The following AUTS2 variants were observed in gnomAD, a reference collection of about 807,000 sequenced individuals.
The protein encoded by AUTS2 is autism susceptibility gene 2 protein.
A neutral mutation model predicts 112.4 loss-of-function variants in AUTS2; 17 were observed. That is an observed-to-expected ratio of 0.15 (90% CI 0.10 to 0.23). AUTS2 has a LOEUF of 0.23. AUTS2 is among the 10% of genes least tolerant of loss of function. The pLI, the probability that AUTS2 is intolerant of heterozygous loss-of-function variation, is 1.00. For synonymous variants in AUTS2, 751 were observed against 702.7 expected, an observed-to-expected ratio of 1.07 and a Z score of -1.09; for missense variants, 1,510 against 1,701.6, an observed-to-expected ratio of 0.89 and a Z score of 1.98.
intron 2 of AUTS2, among the ~76,000 whole-genome samples, chr7:69,908,930 C>T (rs1011841200): frequency 3.9e-5 from 6 of 152,100 alleles, no homozygotes; most frequent in African/African-American, 1.4e-4. Flanking sequence ...AATGCAGATT[C>T]CCAGGTAATC....
At chr7:70,438,299 A>G (rs1056226209) in intron 5 of AUTS2, among the ~76,000 whole-genome samples, 10 of 152,204 alleles carry the variant, frequency 6.6e-5, no homozygotes, top group Admixed American at 6.5e-4. Flanking sequence ...TTTCAGGGTA[A>G]TAAAGCGGAT....
At chr7:69,635,707 G>A (rs1794487719) in intron 1 of AUTS2, among the ~76,000 whole-genome samples, 2 of 152,192 alleles carry the variant, frequency 1.3e-5, no homozygotes, top group Non-Finnish European at 2.9e-5. Flanking sequence ...GAAAGGAGGA[G>A]GAGACCTTAA....
intron 5 of AUTS2, among the ~76,000 whole-genome samples, chr7:70,505,592 G>A (rs147514118): frequency 3.3e-5 from 5 of 152,226 alleles, no homozygotes; most frequent in South Asian, 4.2e-4. Flanking sequence ...TTTGCCTCTC[G>A]ATTAAAAGAG....
chr7:70,013,283 C>T (rs1204983998), intron 2 of AUTS2, among the ~76,000 whole-genome samples: 1 of 152,240 alleles, frequency 6.6e-6, no homozygotes, highest in Non-Finnish European at 1.5e-5. Context: ...CTAACTTGGG[C>T]TGGGAAAAAT....
intron 5 of AUTS2, among the ~76,000 whole-genome samples, chr7:70,547,418 C>G (rs901873675): frequency 2.6e-5 from 4 of 152,104 alleles, no homozygotes; most frequent in African/African-American, 4.8e-5. Context: ...CCACACCCAG[C>G]TAATTTTTGT....
At chr7:70,092,007 A>C (rs966774291) in intron 2 of AUTS2, among the ~76,000 whole-genome samples, 2 of 151,820 alleles carry the variant, frequency 1.3e-5, no homozygotes, top group Non-Finnish European at 2.9e-5. Flanking sequence ...AGCTATAGCA[A>C]AGTTTGACAG....
At chr7:70,557,292 C>T (rs966316211) in intron 5 of AUTS2, among the ~76,000 whole-genome samples, 2 of 152,164 alleles carry the variant, frequency 1.3e-5, no homozygotes, top group Non-Finnish European at 2.9e-5. Flanking sequence ...AAGCTGAAGA[C>T]CCTCGGGGTC....
At chr7:69,827,758 T>C (rs563140309) in intron 1 of AUTS2, among the ~76,000 whole-genome samples, 6 of 152,202 alleles carry the variant, frequency 3.9e-5, no homozygotes, top group African/African-American at 9.7e-5. Context: ...CTGTTCCTTA[T>C]TTACTGTACT....
intron 1 of AUTS2, among the ~76,000 whole-genome samples, chr7:69,754,371 G>T (rs1356251402): frequency 6.6e-6 from 1 of 152,192 alleles, no homozygotes; most frequent in Non-Finnish European, 1.5e-5. Flanking sequence ...ACTGTCAAAG[G>T]CCTTTTCTGT....
intron 5 of AUTS2, among the ~76,000 whole-genome samples, chr7:70,650,862 A>G (rs1305651928): frequency 6.6e-6 from 1 of 152,234 alleles, no homozygotes; most frequent in Non-Finnish European, 1.5e-5. Flanking sequence ...ACAGTTAGAC[A>G]TAAATTAATA....
intron 5 of AUTS2, among the ~76,000 whole-genome samples, chr7:70,616,451 G>T (rs576487823): frequency 6.6e-6 from 1 of 152,158 alleles, no homozygotes; most frequent in African/African-American, 2.4e-5. Context: ...AACAGCTGAC[G>T]GGGCTGATGC....
intron 2 of AUTS2, among the ~76,000 whole-genome samples, chr7:69,979,415 TA>T (rs1385696654): frequency 1.3e-5 from 2 of 152,228 alleles, no homozygotes. Context: ...ACAGCTCAAA[TA>T]ACCCTTAAGG....
intron 1 of AUTS2, among the ~76,000 whole-genome samples, chr7:69,891,717 AATGACTACTGATGTTAACTATTGTTTT>A (rs1450129264): frequency 3.5e-5 from 5 of 142,288 alleles, no homozygotes; most frequent in Non-Finnish European, 7.5e-5. Flanking sequence ...GTATTTCCCT[AATGACTACTGATGTTAACTATTGTTTT>A]ATGTATTCAT....
chr7:70,189,740 T>G (rs141107908), intron 4 of AUTS2, among the ~76,000 whole-genome samples: 5 of 152,352 alleles, frequency 3.3e-5, no homozygotes, highest in African/African-American at 1.2e-4. Context: ...CTCCTTTTAT[T>G]GATTTCTTTG....
At chr7:70,540,430 A>G (rs1465621171) in intron 5 of AUTS2, among the ~76,000 whole-genome samples, 2 of 151,962 alleles carry the variant, frequency 1.3e-5, no homozygotes, top group African/African-American at 4.8e-5. Flanking sequence ...AAGAAGAAAC[A>G]CCCTTCACCC....
At chr7:70,279,795 C>T (rs1286593907) in intron 4 of AUTS2, among the ~76,000 whole-genome samples, 3 of 152,188 alleles carry the variant, frequency 2.0e-5, no homozygotes, top group Non-Finnish European at 4.4e-5. Flanking sequence ...CCAGCTCTAT[C>T]GTCTTTTGGA....
intron 1 of AUTS2, among the ~76,000 whole-genome samples, chr7:69,799,716 G>T (rs148428787): frequency 2.1e-4 from 32 of 152,080 alleles, no homozygotes; most frequent in African/African-American, 7.5e-4. Context: ...GTGGTTTTTT[G>T]ATTTGTAAAT....
At chr7:70,184,253 T>TA (rs1169418714) in intron 4 of AUTS2, among the ~76,000 whole-genome samples, 1 of 152,180 alleles carries the variant, frequency 6.6e-6, no homozygotes, top group Middle Eastern at 3.2e-3. Flanking sequence ...TATATAACTC[T>TA]AAAAAGATGA....
intron 1 of AUTS2, chr7:69,824,533 C>T (rs1412140706): frequency 6.6e-6 from 1 of 151,718 alleles, no homozygotes; most frequent in Non-Finnish European, 1.5e-5. Flanking sequence ...AACCAGCCCT[C>T]GATTTTTTTT....
Sources: allele counts gnomAD v4.1 joint callset (sites outside exome capture counted in the v4.1 genomes callset), GRCh38; gene constraint gnomAD v4.1.1; transcripts MANE v1.5; gene names NCBI Gene and HGNC (gene_info 2026-07-23, HGNC 2026-07-21).